Variants in ETNK1 observed in about 807,000 individuals in gnomAD.
ETNK1 encodes ethanolamine kinase 1.
A neutral mutation model predicts 45.1 loss-of-function variants in ETNK1; 8 were observed. The ratio of observed to expected loss-of-function variants is 0.18; its 90% CI spans 0.10 to 0.32. ETNK1 has a LOEUF of 0.32. ETNK1 is among the 10% of genes least tolerant of loss of function. The pLI is 1.00. For synonymous variants in ETNK1, 152 were observed against 151.9 expected (o/e 1.00, Z -0.01); for missense variants, 302 against 430.6 (o/e 0.70, Z 2.64).
intron 1 of ETNK1, among the ~76,000 whole-genome samples, chr12:22,635,679 G>T (rs149187913): frequency 6.6e-6 from 1 of 152,056 alleles, no homozygotes; most frequent in African/African-American, 2.4e-5. Flanking sequence ...TTTCCAATGA[G>T]TTGATGCATA....
At chr12:22,651,585 A>G (rs189449545) in intron 2 of ETNK1, among the ~76,000 whole-genome samples, 1 of 151,956 alleles carries the variant, frequency 6.6e-6, no homozygotes, top group African/African-American at 2.4e-5. Flanking sequence ...ACCATTTTTT[A>G]AAAAATACAG....
intron 2 of ETNK1, among the ~76,000 whole-genome samples, chr12:22,648,373 A>T (rs181710530): frequency 3.5e-4 from 53 of 152,042 alleles, no homozygotes; most frequent in Admixed American, 3.5e-3. Flanking sequence ...CTGCCTATTC[A>T]TCCCTCTTTT....
At chr12:22,638,109 G>A (rs180741305) in intron 1 of ETNK1, among the ~76,000 whole-genome samples, 2 of 152,218 alleles carry the variant, frequency 1.3e-5, no homozygotes, top group South Asian at 4.1e-4. Flanking sequence ...AAATTCTCTT[G>A]CAAGAAATTT....
intron 2 of ETNK1, among the ~76,000 whole-genome samples, chr12:22,653,305 T>A (rs181895773): frequency 1.1e-4 from 16 of 152,272 alleles, no homozygotes; most frequent in African/African-American, 3.8e-4. Flanking sequence ...GACTTCCAAC[T>A]TTACTCTTCT....
intron 2 of ETNK1, chr12:22,656,754 A>G (rs955435972): frequency 2.0e-6 from 2 of 982,008 alleles, no homozygotes; most frequent in African/African-American, 1.7e-5. Context: ...GGGTAAAACT[A>G]TTAGAAATGA....
intron 2 of ETNK1, among the ~76,000 whole-genome samples, chr12:22,649,933 C>T (rs978168832): frequency 1.4e-4 from 21 of 152,014 alleles, no homozygotes; most frequent in South Asian, 6.2e-4. Context: ...TCTTTTTATC[C>T]GTGAACATGG....
At chr12:22,646,561 C>G in intron 2 of ETNK1, among the ~76,000 whole-genome samples, 1 of 151,854 alleles carries the variant, frequency 6.6e-6, no homozygotes, top group South Asian at 2.1e-4. Context: ...TCCTTATGAG[C>G]TTTAATGTTT....
rs1295708631 is a variant in ETNK1, at chr12:22,654,504, C to A, written c.417-4510C>A. 3.9e-5 allele frequency among the ~76,000 whole-genome samples: 6 copies of A among 152,116 alleles called. No individual in the cohort carries two copies. In the East Asian group the frequency reaches 9.6e-4, roughly 24 times the overall value. On this transcript the variant is annotated intron_variant, in intron 2 of 7. Transcript: ENST00000266517. ...AGATTTTAATCCACCTGACAATAAA[C>A]CTAATAGTGGAAGACTTCTCTGGTC...
In ETNK1 at chr12:22,675,051, T is replaced by G. The variant is rs150257106; in HGVS notation, c.945+1391T>G. Among the ~76,000 whole-genome samples, 857 of 152,274 alleles carry G rather than the reference T, an allele frequency of 5.6e-3. 3 individuals are homozygous for G. Among genetic ancestry groups the G allele is most frequent in the Middle Eastern group, 0.01 (3 of 294 alleles). On this transcript the variant is annotated intron_variant, in intron 6 of 7. Transcript: ENST00000266517. ...AGTTAACACTCATTTCTTTTGAAAT[T>G]GATTTTATTTTAATATTTACTTTTA...
At chr12:22,632,508 ATTTTTACTTTTT>A (rs1953592786) in intron 1 of ETNK1, among the ~76,000 whole-genome samples, 1 of 150,828 alleles carries the variant, frequency 6.6e-6, no homozygotes, top group Non-Finnish European at 1.5e-5. Flanking sequence ...TATTTTTTAA[ATTTTTACTTTTT>A]TTTTTAAGAG....
intron 4 of ETNK1, among the ~76,000 whole-genome samples, chr12:22,666,558 C>T (rs1423951559): frequency 6.6e-6 from 1 of 152,106 alleles, no homozygotes; most frequent in East Asian, 1.9e-4. Flanking sequence ...GTTTATTGGT[C>T]TCATGACTTT....
chr12:22,652,709 G>A (rs982304441), intron 2 of ETNK1, among the ~76,000 whole-genome samples: 3 of 151,436 alleles, frequency 2.0e-5, no homozygotes, highest in African/African-American at 7.2e-5. Flanking sequence ...TTGTTGAGTT[G>A]TGGGAGTTTG....
chr12:22,656,900 C>T (rs1047652792), intron 2 of ETNK1: 2 of 736,316 alleles, frequency 2.7e-6, no homozygotes, highest in African/African-American at 3.8e-5. Flanking sequence ...ACATAGATTG[C>T]CCCTTGTGTT....
Position 22,673,536 on chromosome 12 carries a change from G to A in ETNK1, c.821G>A (p.Arg274Lys). ...SDVDYSLYPD[R>K]ELQSQWLRAY... is the part of the protein sequence containing the mutation. ...GTAGACTATAGTCTGTATCCAGATA[G>A]AGAACTACAGAGTCAGTGGCTGCGT... Residue 274 changes from arginine (R) to lysine (K), a missense_variant, in exon 6 of 8, where the codon AGA becomes AAA. Transcript: ENST00000266517. The A allele has an allele frequency of 6.2e-7, 1 of 1,613,618 alleles. No individual in the cohort carries two copies. Among genetic ancestry groups the A allele is most frequent in the Non-Finnish European group, 8.5e-7 (1 of 1,179,722 alleles).
At chr12:22,625,820 C>T (rs746943549) in intron 1 of ETNK1, 3 of 726,962 alleles carry the variant, frequency 4.1e-6, no homozygotes, top group African/African-American at 1.7e-5. Flanking sequence ...CTAGAAGCCG[C>T]TGCGTAAGTG....
At chr12:22,656,206 A>G (rs1953938961) in intron 2 of ETNK1, among the ~76,000 whole-genome samples, 1 of 152,186 alleles carries the variant, frequency 6.6e-6, no homozygotes, top group African/African-American at 2.4e-5. Context: ...ACATTTTTTT[A>G]ATACACAGAA....
intron 2 of ETNK1, among the ~76,000 whole-genome samples, chr12:22,650,072 G>C (rs1409854818): frequency 6.6e-6 from 1 of 151,996 alleles, no homozygotes; most frequent in African/African-American, 2.4e-5. Flanking sequence ...TGTAAAAGGA[G>C]TGCATTTTAT....
rs1013929878 is a variant in ETNK1, at chr12:22,650,245, GT to G, written c.416+6235del. On this transcript the variant is annotated intron_variant, in intron 2 of 7. Coordinates refer to ENST00000266517, the MANE Select transcript of ETNK1 (RefSeq NM_018638.5). ...ATCATGTTATCTATGAACAAAGACA[GT>G]TTTTTTTTTTTCTTACCTCTTATTT... Among the ~76,000 whole-genome samples the G allele has an allele frequency of 1.2e-3, 176 of 144,466 alleles. 1 individual carries two copies. Among genetic ancestry groups the G allele is most frequent in the African/African-American group, 3.2e-3 (126 of 39,758 alleles). The allele number at this position is 144,466 out of a possible 152,430, so 94.8% of individuals were successfully genotyped here.
intron 6 of ETNK1, among the ~76,000 whole-genome samples, chr12:22,680,115 T>A (rs1954200648): frequency 1.3e-5 from 2 of 152,204 alleles, no homozygotes; most frequent in Non-Finnish European, 2.9e-5. Flanking sequence ...CCAGCCCTCT[T>A]ACATGTTAAC....
Sources: gnomAD v4.1 joint callset for allele counts (sites outside exome capture counted in the v4.1 genomes callset) on GRCh38, gnomAD v4.1.1 for gene constraint, MANE v1.5 for transcripts, NCBI Gene and HGNC (gene_info 2026-07-23, HGNC 2026-07-21) for gene names.